Variants in SBNO2 observed in about 807,000 individuals in gnomAD.
SBNO2 encodes strawberry notch homolog 2, also known as protein strawberry notch homolog 2.
Under a neutral mutation model 146.3 loss-of-function variants are expected in SBNO2, and 89 were observed. That is an observed-to-expected ratio of 0.61 (90% CI 0.51 to 0.73). The LOEUF is 0.73. Ranked by LOEUF, SBNO2 falls within the 30% of genes least tolerant of loss-of-function variation. The probability of loss-of-function intolerance (pLI) is 0.00; values close to 1 mark genes in which losing one functional copy is unlikely to be tolerated. For synonymous variants in SBNO2, 1,147 were observed against 892.6 expected (o/e 1.29, Z -5.08); for missense variants, 2,092 against 2,003.7 (o/e 1.04, Z -0.84).
rs2079698256 is a variant in SBNO2 at position 1,108,301 on chromosome 19, C to G, written c.4020G>C (p.Gly1340=). The G allele has an allele frequency of 9.4e-6, 14 of 1,483,802 alleles. No homozygotes were observed. The highest frequency in any genetic ancestry group is 1.3e-5 in the Non-Finnish European group (14 of 1,113,054). 91.9% of individuals were successfully genotyped at this position (1,483,802 alleles called of 1,614,324 possible). The change falls in exon 32 of 32, where the codon GGG becomes GGC. Residue 1340 remains glycine (G), a synonymous_variant. Transcript: ENST00000361757. ...EGALGEGAGA[G]GAAGGGPERQ... Reference sequence around the variant, plus strand: ...GCTCGGGACCACCGCCCGCCGCGCCCCCCGCCCCCGCGCCCTCCCCCAGCG... The same window carrying G: ...GCTCGGGACCACCGCCCGCCGCGCCGCCCGCCCCCGCGCCCTCCCCCAGCG...
chr19:1,127,877 T>C (rs2074918), intron 4 of SBNO2, 112 bp from the exon 5 acceptor site: 58,438 of 989,496 alleles, frequency 0.059, 2,791 homozygotes, highest in East Asian at 0.19. Flanking sequence ...CACTGGAGCA[T>C]GTGGGAATGG....
chr19:1,147,837 G>A (rs1013833086), intron 3 of SBNO2, among the ~76,000 whole-genome samples: 8 of 152,006 alleles, frequency 5.3e-5, no homozygotes, highest in African/African-American at 1.4e-4. Context: ...AGAGCGCTAC[G>A]GGCAGAAACC....
chr19:1,129,751 G>A (rs1326643881), intron 4 of SBNO2, among the ~76,000 whole-genome samples: 3 of 152,154 alleles, frequency 2.0e-5, no homozygotes, highest in East Asian at 1.9e-4. Context: ...AGTTGCTATC[G>A]GGCCCAGAAC....
In SBNO2 at chr19:1,110,963, A is replaced by T. The variant is rs2079751134; in HGVS notation, c.2884+56T>A. The T allele has an allele frequency of 1.1e-5, 18 of 1,610,224 alleles. No homozygotes were observed. Among genetic ancestry groups the T allele is most frequent in the Middle Eastern group, 1.7e-4 (1 of 6,044 alleles). On this transcript the variant is annotated intron_variant, in intron 25 of 31. Transcript: ENST00000361757. This position sits in a 1 kb window ranked among gnomAD's most constrained non-coding sequence, Gnocchi z 4.9. ...CTGCTTTGCTCACCACCCGAGGCCAAGGTTGCATGAGATGAGAGACAGGAG... is the reference window on the plus strand; with the variant it reads ...CTGCTTTGCTCACCACCCGAGGCCATGGTTGCATGAGATGAGAGACAGGAG...
chr19:1,121,818 C>A (rs1451939046), intron 11 of SBNO2, among the ~76,000 whole-genome samples: 1 of 152,196 alleles, frequency 6.6e-6, no homozygotes, highest in African/African-American at 2.4e-5. Flanking sequence ...CTTATCAGAA[C>A]CAAGAAACCA....
At position 1,109,237 on chromosome 19, in the gene SBNO2, T is replaced by C; in HGVS notation, c.3349-26A>G. Reference sequence around the variant, plus strand: ...CTAGGGACACAGGGCCGCATGAGCCTGGGCGGGGTCAGGGCCGGCAACCCG... The same window carrying C: ...CTAGGGACACAGGGCCGCATGAGCCCGGGCGGGGTCAGGGCCGGCAACCCG... On this transcript the variant is annotated intron_variant, in intron 29 of 31. Coordinates refer to ENST00000361757, the MANE Select transcript of SBNO2 (RefSeq NM_014963.3). The surrounding 1 kb of genome is among the most constrained non-coding windows in gnomAD (Gnocchi z 4.2). 2.5e-6 allele frequency: 4 copies of C among 1,571,768 alleles called. No homozygotes were observed. The highest frequency in any genetic ancestry group is 2.3e-5 in the East Asian group (1 of 42,574).
chr19:1,136,408 G>C lies in SBNO2; in HGVS notation c.280-8643C>G, dbSNP rs529729119. Among the ~76,000 whole-genome samples, 4 of 152,338 alleles carry C rather than the reference G, an allele frequency of 2.6e-5. No individual in the cohort carries two copies. Among genetic ancestry groups the C allele is most frequent in the East Asian group, 3.9e-4 (2 of 5,182 alleles). On this transcript the variant is annotated intron_variant, in intron 4 of 31. Coordinates refer to ENST00000361757, the MANE Select transcript of SBNO2 (RefSeq NM_014963.3). The surrounding 1 kb of genome is among the most constrained non-coding windows in gnomAD (Gnocchi z 4.2). Reference sequence around the variant, plus strand: ...CTCAGTGTCTTCTGGTGCTGCAGCCGGGCAGGGCCGAACCCTGGCGCACAG... The same window carrying C: ...CTCAGTGTCTTCTGGTGCTGCAGCCCGGCAGGGCCGAACCCTGGCGCACAG...
In SBNO2 at chr19:1,112,505, C is replaced by A; in HGVS notation, c.2412G>T (p.Ser804=). 6.2e-7 allele frequency: 1 copy of A among 1,605,150 alleles called. No homozygotes were observed. ...LVAIISEASS[S]GVSLQADRRV... ...GGCGGTCGGCTTGGAGGGAGACACC[C>A]GAGCTGGAGGCCTCCGAGATGATGG... The change falls in exon 21 of 32, where the codon TCG becomes TCT. Residue 804 remains serine (S), a synonymous_variant. Coordinates refer to ENST00000361757, the MANE Select transcript of SBNO2 (RefSeq NM_014963.3). This position sits in a 1 kb window ranked among gnomAD's most constrained non-coding sequence, Gnocchi z 5.9.
Position 1,124,017 on chromosome 19 carries a change from G to T in SBNO2, c.447C>A (p.Phe149Leu). The T allele has an allele frequency of 6.8e-6, 11 of 1,610,890 alleles. No individual in the cohort carries two copies. The highest frequency in any genetic ancestry group is 9.3e-6 in the Non-Finnish European group (11 of 1,178,952). ...NPAPSTHDKL[F>L]QLSRPFAGFE... ...AGCCTGCAAACGGCCTGCTGAGCTGGAACAGCTGGAAGGGGAGCAGGATGT... is the reference window on the plus strand; with the variant it reads ...AGCCTGCAAACGGCCTGCTGAGCTGTAACAGCTGGAAGGGGAGCAGGATGT... Residue 149 changes from phenylalanine to leucine, a missense_variant, in exon 6 of 32, where the codon TTC (phenylalanine) becomes TTA (leucine). Transcript: ENST00000361757.
chr19:1,108,091 G>C lies in SBNO2; in HGVS notation c.*129C>G, dbSNP rs80050348. 0.015 allele frequency: 16,192 copies of C among 1,091,350 alleles called. 132 individuals are homozygous for C. Among genetic ancestry groups the C allele is most frequent in the Non-Finnish European group, 0.018 (14,700 of 828,070 alleles). 67.6% of individuals were successfully genotyped at this position (1,091,350 alleles called of 1,614,324 possible). A position where few individuals can be genotyped will look rare whatever the true frequency, so the allele number is the denominator to read the frequency against. On this transcript the variant is annotated 3_prime_UTR_variant, in exon 32 of 32. Transcript: ENST00000361757. ...CAGGTGGGGGCCCGGGTCGGGCGCT[G>C]AAGGCACTGCGGCCAGGGCCTAGGG...
At chr19:1,131,690 G>A (rs978883631) in intron 4 of SBNO2, among the ~76,000 whole-genome samples, 6 of 152,170 alleles carry the variant, frequency 3.9e-5, no homozygotes, top group African/African-American at 1.4e-4. Flanking sequence ...CTCCACCTGA[G>A]GCTTCTCCAG....
chr19:1,138,962 T>C (rs983014399), intron 4 of SBNO2, among the ~76,000 whole-genome samples: 2 of 134,810 alleles, frequency 1.5e-5, no homozygotes, highest in African/African-American at 5.7e-5. Flanking sequence ...CACGGACACA[T>C]GGACAGACAC....
At position 1,112,144 on chromosome 19, in the gene SBNO2, T is replaced by C; in HGVS notation, c.2628+45A>G. On this transcript the variant is annotated intron_variant, in intron 22 of 31. Coordinates refer to ENST00000361757, the MANE Select transcript of SBNO2 (RefSeq NM_014963.3). This position sits in a 1 kb window ranked among gnomAD's most constrained non-coding sequence, Gnocchi z 5.9. ...CACCCCACAAAGCTTTGGAGAGCCTTCCTGGGCCTGTCCCTGGTTCTCAGC... is the reference window on the plus strand; with the variant it reads ...CACCCCACAAAGCTTTGGAGAGCCTCCCTGGGCCTGTCCCTGGTTCTCAGC... 6.3e-7 allele frequency: 1 copy of C among 1,595,762 alleles called. No homozygotes were observed. The highest frequency in any genetic ancestry group is 1.1e-5 in the South Asian group (1 of 88,788).
chr19:1,113,653 C>G lies in SBNO2; in HGVS notation c.2129G>C (p.Arg710Pro), dbSNP rs754654653. 61 of 1,596,926 alleles carry G rather than the reference C, an allele frequency of 3.8e-5. No homozygotes were observed. Among genetic ancestry groups the G allele is most frequent in the Non-Finnish European group, 5.2e-5 (61 of 1,173,024 alleles). Residue 710 changes from arginine to proline, a missense_variant, in exon 19 of 32, where the codon CGG becomes CCG. Coordinates refer to ENST00000361757, the MANE Select transcript of SBNO2 (RefSeq NM_014963.3). ...RDPHGPGVLE[R>P]VERLKQDLLD... ...CAGATCCTGCTTCAGCCGCTCCACCCGCTCCAGGACCCCGGGGCCATGCGG... is the reference window on the plus strand; with the variant it reads ...CAGATCCTGCTTCAGCCGCTCCACCGGCTCCAGGACCCCGGGGCCATGCGG...
chr19:1,122,599 C>CT, intron 9 of SBNO2, 41 bp from the exon 10 acceptor site: 2 of 1,316,104 alleles, frequency 1.5e-6, no homozygotes, highest in South Asian at 1.4e-5. Flanking sequence ...CCTTCCCCCT[C>CT]GCCCCCCGCT....
At position 1,173,379 on chromosome 19, in the gene SBNO2, C is replaced by T. The variant is rs991492835; in HGVS notation, c.-127+793G>A. ...CCACCCCCAACACGCTCTGCAGACT[C>T]CGCCCAGACGGCCCCGGGGTCACCT... On this transcript the variant is annotated intron_variant, in intron 1 of 31. Coordinates refer to ENST00000361757, the MANE Select transcript of SBNO2 (RefSeq NM_014963.3). The surrounding 1 kb of genome is among the most constrained non-coding windows in gnomAD (Gnocchi z 4.7). 1.1e-4 allele frequency among the ~76,000 whole-genome samples: 17 copies of T among 152,218 alleles called. No homozygotes were observed. Among genetic ancestry groups the T allele is most frequent in the African/African-American group, 4.1e-4 (17 of 41,460 alleles).
chr19:1,166,858 C>T (rs536375080), intron 1 of SBNO2, among the ~76,000 whole-genome samples: 1 of 152,324 alleles, frequency 6.6e-6, no homozygotes, highest in Admixed American at 6.5e-5. Context: ...GCTACTGTCA[C>T]TGCCTCACAT....
rs2145178512 is a variant in SBNO2 at position 1,108,359 on chromosome 19, C to T, written c.3962G>A (p.Arg1321His). ...NFKEVLEDMLRSLHAGPPSEG... is the reference protein window; with the variant it reads ...NFKEVLEDMLHSLHAGPPSEG... ...GGAGGGCGGCCCCGCGTGCAGCGAG[C>T]GCAGCATGTCCTCCAGCACCTCCTT... Residue 1321 changes from arginine (R) to histidine (H), a missense_variant, in exon 32 of 32, where the codon CGC (arginine) becomes CAC (histidine). By Grantham distance (29) the Arg-to-His change is conservative. Transcript: ENST00000361757. The T allele has an allele frequency of 7.7e-7, 1 of 1,294,852 alleles. No individual in the cohort carries two copies. 80.2% of individuals were successfully genotyped at this position (1,294,852 alleles called of 1,614,324 possible).
At chr19:1,172,888 C>G (rs904495008) in intron 1 of SBNO2, among the ~76,000 whole-genome samples, 1 of 151,760 alleles carries the variant, frequency 6.6e-6, no homozygotes, top group African/African-American at 2.4e-5. Context: ...TATCCCGTCC[C>G]GTCCCAGCAG....
Sources: gnomAD v4.1 joint callset for allele counts (sites outside exome capture counted in the v4.1 genomes callset) on GRCh38, gnomAD v4.1.1 for gene constraint, Gnocchi (gnomAD v3.1) non-coding constraint, MANE v1.5 for transcripts, NCBI Gene and HGNC (gene_info 2026-07-23, HGNC 2026-07-21) for gene names.